PCDH15: variants seen among roughly 807,000 people sequenced by gnomAD.
PCDH15 encodes the protein protocadherin-15.
Under a neutral mutation model 178.5 loss-of-function variants are expected in PCDH15, and 129 were observed. The observed-to-expected ratio is 0.72, with a 90% CI of 0.63 to 0.84. The LOEUF (loss-of-function observed/expected upper bound fraction) is 0.84. Ranked by LOEUF, PCDH15 falls within the 40% of genes least tolerant of loss-of-function variation. The pLI, the probability that PCDH15 is intolerant of heterozygous loss-of-function variation, is 0.00. For missense variants in PCDH15, 2,230 were observed against 2,099.9 expected (o/e 1.06, Z -1.21); for synonymous variants, 800 against 732.0 (o/e 1.09, Z -1.50).
chr10:54,136,338 T>A (rs569776252), intron 14 of PCDH15, among the ~76,000 whole-genome samples: 1 of 152,186 alleles, frequency 6.6e-6, no homozygotes, highest in Admixed American at 6.5e-5. Flanking sequence ...AGAAAAACTC[T>A]ACAAAGTCAC....
intron 8 of PCDH15, among the ~76,000 whole-genome samples, chr10:54,250,944 T>A (rs2056422550): frequency 6.6e-6 from 1 of 152,218 alleles, no homozygotes; most frequent in Non-Finnish European, 1.5e-5. Context: ...GTACTTTAAT[T>A]ATCATTTTAA....
chr10:53,894,274 C>A (rs996142179), intron 26 of PCDH15, among the ~76,000 whole-genome samples: 2 of 152,130 alleles, frequency 1.3e-5, no homozygotes, highest in Non-Finnish European at 2.9e-5. Context: ...GTCAAGAAGG[C>A]AATGCACCCT....
intron 9 of PCDH15, among the ~76,000 whole-genome samples, chr10:54,216,044 G>GGAAAAAAAAAAAAAAAAAAAAAA (rs1305937392): frequency 2.8e-5 from 2 of 70,390 alleles, no homozygotes; most frequent in African/African-American, 1.2e-4. Context: ...CTCCGTCTCA[G>GGAAAAAAAAAAAAAAAAAAAAAA]AAAAAAAAAA....
intron 25 of PCDH15, chr10:53,905,308 C>T (rs2082598639): frequency 6.1e-6 from 3 of 490,940 alleles, no homozygotes; most frequent in South Asian, 2.9e-5. Flanking sequence ...AATGTTAAAC[C>T]AACCACCATT....
chr10:54,297,180 A>G (rs2059852925), intron 8 of PCDH15, among the ~76,000 whole-genome samples: 1 of 152,104 alleles, frequency 6.6e-6, no homozygotes, highest in African/African-American at 2.4e-5. Context: ...GGAGAAACAA[A>G]CAAAACAAAA....
chr10:54,982,931 C>A (rs1839276067), intron 2 of PCDH15, among the ~76,000 whole-genome samples: 1 of 152,028 alleles, frequency 6.6e-6, no homozygotes, highest in Non-Finnish European at 1.5e-5. Flanking sequence ...GTGTTACAGG[C>A]ATATAAACAG....
At chr10:54,471,490 T>C (rs2077915701) in intron 3 of PCDH15, among the ~76,000 whole-genome samples, 1 of 152,176 alleles carries the variant, frequency 6.6e-6, no homozygotes, top group Non-Finnish European at 1.5e-5. Context: ...CAATGTCTTA[T>C]ATTAGTTTCT....
intron 3 of PCDH15, among the ~76,000 whole-genome samples, chr10:54,475,591 A>AT (rs1052478272): frequency 1.8e-4 from 27 of 151,870 alleles, no homozygotes; most frequent in African/African-American, 6.5e-4. Flanking sequence ...ATCATATTAT[A>AT]TTTTTTTCTG....
chr10:54,184,156 C>G (rs1443465853), intron 12 of PCDH15, among the ~76,000 whole-genome samples: 1 of 152,020 alleles, frequency 6.6e-6, no homozygotes, highest in Non-Finnish European at 1.5e-5. Context: ...TGTACATTAT[C>G]AAGATTTTAA....
intron 2 of PCDH15, among the ~76,000 whole-genome samples, chr10:54,529,323 C>T (rs1219369152): frequency 6.6e-6 from 1 of 152,032 alleles, no homozygotes; most frequent in Non-Finnish European, 1.5e-5. Flanking sequence ...CTACAGAGCC[C>T]AGCACTACAC....
intron 26 of PCDH15, among the ~76,000 whole-genome samples, chr10:53,877,086 C>T (rs187522325): frequency 6.6e-4 from 101 of 152,042 alleles, no homozygotes; most frequent in Middle Eastern, 3.4e-3. Context: ...AATTCTGAAC[C>T]ATAGAAGGCT....
chr10:54,989,465 G>T (rs1839450059), intron 2 of PCDH15, among the ~76,000 whole-genome samples: 1 of 152,176 alleles, frequency 6.6e-6, no homozygotes, highest in African/African-American at 2.4e-5. Context: ...AAGCCACAGG[G>T]GCAGAGCTGC....
intron 3 of PCDH15, among the ~76,000 whole-genome samples, chr10:54,441,322 G>C (rs1391625784): frequency 1.3e-5 from 2 of 151,850 alleles, no homozygotes; most frequent in Non-Finnish European, 2.9e-5. Flanking sequence ...TAAATCATGA[G>C]ACTGCTGGAA....
intron 3 of PCDH15, among the ~76,000 whole-genome samples, chr10:54,844,617 T>C (rs1256730788): frequency 2.6e-5 from 4 of 151,974 alleles, no homozygotes; most frequent in African/African-American, 9.7e-5. Context: ...AGGCAAGTTT[T>C]CTTTTGCTTT....
At chr10:55,212,605 C>T (rs745569916) in intron 1 of PCDH15, among the ~76,000 whole-genome samples, 3 of 151,998 alleles carry the variant, frequency 2.0e-5, no homozygotes, top group African/African-American at 4.8e-5. Flanking sequence ...CTAAACAGAG[C>T]GCATGAACTG....
At chr10:54,176,991 C>T (rs2047505002) in intron 13 of PCDH15, among the ~76,000 whole-genome samples, 1 of 151,632 alleles carries the variant, frequency 6.6e-6, no homozygotes, top group African/African-American at 2.4e-5. Flanking sequence ...ATTATAGCAG[C>T]TTTATTAATA....
At chr10:55,549,310 G>A (rs1036803237) in intron 2 of PCDH15, among the ~76,000 whole-genome samples, 1 of 152,036 alleles carries the variant, frequency 6.6e-6, no homozygotes, top group African/African-American at 2.4e-5. Flanking sequence ...ATTTAACATT[G>A]ATTACTTACA....
chr10:55,521,174 T>C (rs1201550432), intron 2 of PCDH15, among the ~76,000 whole-genome samples: 2 of 152,130 alleles, frequency 1.3e-5, no homozygotes, highest in South Asian at 4.1e-4. Flanking sequence ...TCATATGGTA[T>C]TTGTCTTTCT....
intron 1 of PCDH15, among the ~76,000 whole-genome samples, chr10:54,679,711 G>A (rs568095455): frequency 7.9e-5 from 12 of 152,132 alleles, no homozygotes; most frequent in Non-Finnish European, 1.8e-4. Context: ...ACTAATAAGA[G>A]AATGAACATA....
Sources: gnomAD v4.1 joint callset for allele counts (sites outside exome capture counted in the v4.1 genomes callset) on GRCh38, gnomAD v4.1.1 for gene constraint, MANE v1.5 for transcripts, NCBI Gene and HGNC (gene_info 2026-07-23, HGNC 2026-07-21) for gene names.